Variants in RAB8B observed in about 807,000 individuals in gnomAD.
RAB8B encodes the protein RAB8B, member RAS oncogene family, also known as ras-related protein Rab-8B.
RAB8B carries 11 observed loss-of-function variants against 32.0 expected under a neutral mutation model. The observed-to-expected ratio is 0.34, with a 90% confidence interval of 0.22 to 0.57. The LOEUF is 0.57. RAB8B is among the 20% of genes least tolerant of loss of function. RAB8B has a pLI of 0.86. For missense variants in RAB8B, 190 were observed against 258.5 expected (o/e 0.73, Z 1.82); for synonymous variants, 103 against 89.6 (o/e 1.15, Z -0.85).
chr15:63,210,737 A>G (rs1458076783), intron 1 of RAB8B, among the ~76,000 whole-genome samples: 2 of 152,234 alleles, frequency 1.3e-5, no homozygotes, highest in African/African-American at 4.8e-5. Context: ...GGGGTGGGCA[A>G]GTAGTGGGTG....
At chr15:63,190,017 T>TG (rs2037541113) in intron 1 of RAB8B, among the ~76,000 whole-genome samples, 1 of 114,402 alleles carries the variant, frequency 8.7e-6, no homozygotes, top group African/African-American at 3.4e-5. Flanking sequence ...CTAGGGGTAT[T>TG]GGGGGAACGA....
intron 3 of RAB8B, among the ~76,000 whole-genome samples, chr15:63,252,593 C>T (rs1161378339): frequency 6.7e-6 from 1 of 148,458 alleles, no homozygotes; most frequent in Non-Finnish European, 1.5e-5. Flanking sequence ...AGAGCTAGGG[C>T]AGTTATTTGG....
intron 1 of RAB8B, among the ~76,000 whole-genome samples, chr15:63,213,774 T>C (rs1276849306): frequency 6.6e-6 from 1 of 152,106 alleles, no homozygotes; most frequent in Non-Finnish European, 1.5e-5. Context: ...ATATCTGCTC[T>C]CAAGAACAAA....
intron 1 of RAB8B, among the ~76,000 whole-genome samples, chr15:63,195,212 G>T (rs915710830): frequency 1.3e-5 from 2 of 151,980 alleles, no homozygotes; most frequent in African/African-American, 2.4e-5. Flanking sequence ...GCTGCCAGTA[G>T]ATTTCCCATC....
chr15:63,257,687 G>T (rs1413896144), intron 5 of RAB8B, among the ~76,000 whole-genome samples: 1 of 152,056 alleles, frequency 6.6e-6, no homozygotes, highest in African/African-American at 2.4e-5. Context: ...ATAAGAGTTC[G>T]CAATTTGTCT....
intron 2 of RAB8B, among the ~76,000 whole-genome samples, chr15:63,245,635 G>T (rs968288959): frequency 6.6e-6 from 1 of 152,156 alleles, no homozygotes; most frequent in Non-Finnish European, 1.5e-5. Context: ...CAGGTTGAGG[G>T]CTGGGTCCCG....
At chr15:63,241,306 G>A (rs543751430) in intron 1 of RAB8B, among the ~76,000 whole-genome samples, 9 of 152,256 alleles carry the variant, frequency 5.9e-5, no homozygotes, top group Admixed American at 2.0e-4. Context: ...CCAAGATCGC[G>A]CCACTGCACT....
chr15:63,192,236 A>G (rs150556801), intron 1 of RAB8B, among the ~76,000 whole-genome samples: 2 of 152,358 alleles, frequency 1.3e-5, no homozygotes, highest in East Asian at 3.9e-4. Context: ...GCAGAATTAT[A>G]TAGAAACCTA....
intron 6 of RAB8B, among the ~76,000 whole-genome samples, chr15:63,260,023 C>T (rs916221517): frequency 1.3e-5 from 2 of 152,054 alleles, no homozygotes; most frequent in African/African-American, 2.4e-5. Context: ...TTAGTAGAAA[C>T]GGGGTTTCAC....
chr15:63,218,984 A>G (rs1046761706), intron 1 of RAB8B, among the ~76,000 whole-genome samples: 1 of 122,296 alleles, frequency 8.2e-6, no homozygotes. Context: ...AGCTAAAATG[A>G]TCTTTTCTTC....
intron 1 of RAB8B, among the ~76,000 whole-genome samples, chr15:63,230,688 T>C (rs2037929385): frequency 6.6e-6 from 1 of 152,266 alleles, no homozygotes; most frequent in African/African-American, 2.4e-5. Context: ...AGTATGATTT[T>C]ACTACTTATT....
At position 63,216,734 on chromosome 15, in the gene RAB8B, C is replaced by A. The variant is rs538239965; in HGVS notation, c.124+26986C>A. ...AATTAGTCGGGCATGGTGGTGTGCA[C>A]CTGTAGTCCCAGCTCTTTGGGAGGC... On this transcript the variant is annotated intron_variant, in intron 1 of 7. Transcript: ENST00000321437. Among the ~76,000 whole-genome samples the A allele has an allele frequency of 3.7e-4, 56 of 151,908 alleles. No homozygotes were observed. In the South Asian group the frequency reaches 0.011, roughly 31 times the overall value.
intron 7 of RAB8B, 58 bp downstream of exon 7, chr15:63,262,800 A>G (rs1481533037): frequency 1.2e-6 from 1 of 843,790 alleles, no homozygotes; most frequent in Non-Finnish European, 1.7e-6. Context: ...ATTTGATGAA[A>G]AGGATAGGTC....
At chr15:63,200,757 A>G (rs1041372503) in intron 1 of RAB8B, among the ~76,000 whole-genome samples, 6 of 152,246 alleles carry the variant, frequency 3.9e-5, no homozygotes, top group Admixed American at 2.6e-4. Flanking sequence ...CCTGAGGCCT[A>G]GAGGCATCGG....
At chr15:63,228,879 T>C (rs2037910427) in intron 1 of RAB8B, among the ~76,000 whole-genome samples, 1 of 152,250 alleles carries the variant, frequency 6.6e-6, no homozygotes, top group African/African-American at 2.4e-5. Context: ...TCAGAATTTA[T>C]CAATGCAAAA....
chr15:63,194,858 A>G (rs890254786), intron 1 of RAB8B, among the ~76,000 whole-genome samples: 10 of 152,352 alleles, frequency 6.6e-5, no homozygotes, highest in African/African-American at 2.4e-4. Context: ...AAAAGAGACC[A>G]TATGTATCCC....
intron 1 of RAB8B, among the ~76,000 whole-genome samples, chr15:63,193,984 C>T (rs1219233435): frequency 1.3e-5 from 2 of 152,100 alleles, no homozygotes; most frequent in Admixed American, 6.5e-5. Context: ...TGGCTCTGGA[C>T]AGAAAAAGGT....
chr15:63,245,117 AGTT>A (rs2038060903), intron 2 of RAB8B, among the ~76,000 whole-genome samples: 1 of 152,216 alleles, frequency 6.6e-6, no homozygotes, highest in South Asian at 2.1e-4. Flanking sequence ...TCTTCATCAC[AGTT>A]GTTGTAGTTT....
intron 1 of RAB8B, among the ~76,000 whole-genome samples, chr15:63,219,295 CAAAAA>C (rs552403928): frequency 1.1e-5 from 1 of 88,806 alleles, no homozygotes; most frequent in Non-Finnish European, 2.4e-5. Context: ...AGACTCCCAT[CAAAAA>C]AAAAAAAAAA....
Sources: allele counts gnomAD v4.1 joint callset (sites outside exome capture counted in the v4.1 genomes callset), GRCh38; gene constraint gnomAD v4.1.1; transcripts MANE v1.5; gene names NCBI Gene and HGNC (gene_info 2026-07-23, HGNC 2026-07-21).